Variants in TPST1 observed in about 807,000 individuals in gnomAD.
TPST1 encodes tyrosylprotein sulfotransferase 1.
TPST1 carries 20 observed loss-of-function variants against 34.8 expected under a neutral mutation model. The observed-to-expected ratio is 0.57, with a 90% confidence interval of 0.40 to 0.84. The LOEUF is 0.84. TPST1 is among the 40% of genes least tolerant of loss of function. TPST1 has a pLI of 0.00. For synonymous variants in TPST1, 152 were observed against 159.4 expected (o/e 0.95, Z 0.35); for missense variants, 353 against 455.5 (o/e 0.78, Z 2.05).
intron 2 of TPST1, among the ~76,000 whole-genome samples, chr7:66,274,303 T>A (rs1370610427): frequency 6.6e-6 from 1 of 150,770 alleles, no homozygotes; most frequent in Admixed American, 6.6e-5. Context: ...AGGTGGAGCT[T>A]GAAGTGAGCG....
upstream of TPST1, among the ~76,000 whole-genome samples, chr7:66,202,566 C>T (rs1343101152): frequency 6.6e-6 from 1 of 152,208 alleles, no homozygotes; most frequent in Non-Finnish European, 1.5e-5. Flanking sequence ...AGATCTCCAT[C>T]TCTACTTTGT....
intron 2 of TPST1, among the ~76,000 whole-genome samples, chr7:66,262,959 G>A (rs975980888): frequency 5.3e-5 from 8 of 151,994 alleles, no homozygotes; most frequent in Admixed American, 4.6e-4. Flanking sequence ...AATTAGCCAG[G>A]TGTGGTGGCA....
intron 3 of TPST1, among the ~76,000 whole-genome samples, chr7:66,310,754 T>G (rs891985621): frequency 6.6e-6 from 1 of 152,354 alleles, no homozygotes; most frequent in Non-Finnish European, 1.5e-5. Flanking sequence ...TGAAGTATGA[T>G]AAATTTTAAG....
At chr7:66,259,900 G>C (rs185674648) in intron 2 of TPST1, among the ~76,000 whole-genome samples, 1 of 151,938 alleles carries the variant, frequency 6.6e-6, no homozygotes, top group African/African-American at 2.4e-5. Context: ...AAAATCCTCC[G>C]TGTTCCCCCT....
At chr7:66,354,522 C>CAAAAAAAAAAA (rs66521537) in intron 4 of TPST1, among the ~76,000 whole-genome samples, 39 of 60,790 alleles carry the variant, frequency 6.4e-4, no homozygotes, top group East Asian at 2.5e-3. Flanking sequence ...GAGTCTGTCT[C>CAAAAAAAAAAA]AAAAAAAAAA....
chr7:66,255,636 A>T (rs1308317767), intron 2 of TPST1, among the ~76,000 whole-genome samples: 1 of 152,204 alleles, frequency 6.6e-6, no homozygotes, highest in African/African-American at 2.4e-5. Flanking sequence ...TACCCAAAAA[A>T]TCCTTCAGAC....
At position 66,336,076 on chromosome 7, in the gene TPST1, C is replaced by T. The variant is rs569565964; in HGVS notation, c.1045-16429C>T. ...CTGTAATCCCAGCACTTTGGGAGGC[C>T]GAGGTGGGCAGATCACGAGGTCAGG... On this transcript the variant is annotated intron_variant, in intron 3 of 5. Transcript: ENST00000304842. Among the ~76,000 whole-genome samples the T allele has an allele frequency of 6.6e-4, 101 of 152,216 alleles. 1 individual carries two copies. The highest frequency in any genetic ancestry group is 2.4e-3 in the African/African-American group (100 of 41,544).
intron 3 of TPST1, among the ~76,000 whole-genome samples, chr7:66,335,032 C>T (rs145683591): frequency 3.9e-5 from 6 of 152,164 alleles, no homozygotes; most frequent in African/African-American, 1.4e-4. Flanking sequence ...AGCCGAGACA[C>T]CCTATTGACA....
chr7:66,286,596 T>C lies in TPST1; in HGVS notation c.931T>C (p.Leu311=), dbSNP rs201294430. ...KWVGKIPPDV[L]QDMAVIAPML... ...GGTTGGGAAGATACCGCCAGATGTTTTACAAGACATGGCAGTGATTGCTCC... is the reference window on the plus strand; with the variant it reads ...GGTTGGGAAGATACCGCCAGATGTTCTACAAGACATGGCAGTGATTGCTCC... The change falls in exon 3 of 6, where the codon TTA becomes CTA. Residue 311 remains leucine (L), a synonymous_variant. Transcript: ENST00000304842. 3.2e-5 allele frequency: 51 copies of C among 1,610,584 alleles called. No homozygotes were observed. In the East Asian group the frequency reaches 1.1e-3, roughly 35 times the overall value.
At chr7:66,311,189 T>G (rs1791526024) in intron 3 of TPST1, among the ~76,000 whole-genome samples, 1 of 151,874 alleles carries the variant, frequency 6.6e-6, no homozygotes, top group Admixed American at 6.6e-5. Context: ...CAGGCTGGAG[T>G]GCAGTGGCAT....
upstream of TPST1, among the ~76,000 whole-genome samples, chr7:66,203,486 CTTT>C (rs373614847): frequency 5.2e-5 from 7 of 134,530 alleles, no homozygotes; most frequent in Non-Finnish European, 1.6e-5. Flanking sequence ...ACAAAAACTT[CTTT>C]TTTTTTTTTT....
chr7:66,305,701 T>C (rs1221803871), intron 3 of TPST1, among the ~76,000 whole-genome samples: 1 of 152,242 alleles, frequency 6.6e-6, no homozygotes, highest in Non-Finnish European at 1.5e-5. Flanking sequence ...GAAGCACTTC[T>C]CCCTTGAGGA....
At chr7:66,282,853 G>A (rs997580429) in intron 2 of TPST1, among the ~76,000 whole-genome samples, 9 of 152,168 alleles carry the variant, frequency 5.9e-5, no homozygotes, top group African/African-American at 7.2e-5. Context: ...TGGGTTGAAC[G>A]AATGTGTTTC....
chr7:66,232,157 C>T (rs1374614534), intron 1 of TPST1, among the ~76,000 whole-genome samples: 1 of 150,812 alleles, frequency 6.6e-6, no homozygotes, highest in Non-Finnish European at 1.5e-5. Flanking sequence ...TGCTTGATCA[C>T]ATGGTAACTA....
chr7:66,319,242 A>G (rs1295088213), intron 3 of TPST1, among the ~76,000 whole-genome samples: 4 of 151,776 alleles, frequency 2.6e-5, no homozygotes, highest in African/African-American at 9.7e-5. Context: ...TAGTTTAACA[A>G]CTCTTTCATG....
At chr7:66,208,252 A>G (rs996250268) in intron 1 of TPST1, among the ~76,000 whole-genome samples, 3 of 152,196 alleles carry the variant, frequency 2.0e-5, no homozygotes, top group Non-Finnish European at 4.4e-5. Flanking sequence ...CAGTAAAGAA[A>G]CAGACCATTC....
At chr7:66,351,917 A>G (rs1384038377) in intron 3 of TPST1, among the ~76,000 whole-genome samples, 3 of 152,228 alleles carry the variant, frequency 2.0e-5, no homozygotes, top group Non-Finnish European at 4.4e-5. Context: ...TTTATCATAA[A>G]GATTCCTAAT....
chr7:66,324,270 CAG>C (rs1791816584), intron 3 of TPST1, among the ~76,000 whole-genome samples: 1 of 152,004 alleles, frequency 6.6e-6, no homozygotes, highest in African/African-American at 2.4e-5. Context: ...CTGTAAAGTT[CAG>C]AGTTACTCTT....
chr7:66,277,157 G>C (rs971519071), intron 2 of TPST1, among the ~76,000 whole-genome samples: 1 of 152,062 alleles, frequency 6.6e-6, no homozygotes, highest in African/African-American at 2.4e-5. Context: ...TTCTAATTGC[G>C]ATGTCCTGTC....
Sources: allele counts gnomAD v4.1 joint callset (sites outside exome capture counted in the v4.1 genomes callset), GRCh38; gene constraint gnomAD v4.1.1; transcripts MANE v1.5; gene names NCBI Gene and HGNC (gene_info 2026-07-23, HGNC 2026-07-21).